FBXL7: variants seen among roughly 807,000 people sequenced by gnomAD.
FBXL7 encodes the protein F-box and leucine rich repeat protein 7, also known as F-box/LRR-repeat protein 7.
A neutral mutation model predicts 38.3 loss-of-function variants in FBXL7; 12 were observed. That is an observed-to-expected ratio of 0.31 (90% CI 0.20 to 0.51). The LOEUF (loss-of-function observed/expected upper bound fraction) is 0.51, where lower values mean the gene tolerates loss of function less well. Ranked by LOEUF, FBXL7 falls within the 20% of genes least tolerant of loss-of-function variation. The pLI, the probability that FBXL7 is intolerant of heterozygous loss-of-function variation, is 0.98. For missense variants in FBXL7, 567 were observed against 676.4 expected, an observed-to-expected ratio of 0.84 and a Z score of 1.79; for synonymous variants, 297 against 300.9, an observed-to-expected ratio of 0.99 and a Z score of 0.13.
At chr5:15,935,092 G>C (rs931061733) in intron 3 of FBXL7, 2 of 521,100 alleles carry the variant, frequency 3.8e-6, no homozygotes, top group South Asian at 2.8e-5. Context: ...GTGCTCAGAG[G>C]CTGGAGAGCA....
intron 2 of FBXL7, among the ~76,000 whole-genome samples, chr5:15,687,999 C>T (rs1242264602): frequency 6.6e-6 from 1 of 152,184 alleles, no homozygotes; most frequent in Non-Finnish European, 1.5e-5. Context: ...CCTGCATTTG[C>T]AGCTTCTACC....
rs1047112972 is a variant in FBXL7 at position 15,717,938 on chromosome 5, T to C, written c.127+101866T>C. 7.1e-5 allele frequency among the ~76,000 whole-genome samples: 6 copies of C among 84,268 alleles called. 1 individual carries two copies. Among genetic ancestry groups the C allele is most frequent in the African/African-American group, 2.1e-4 (6 of 28,458 alleles). 55.3% of individuals were successfully genotyped at this position (84,268 alleles called of 152,430 possible). ...AATTTTTCAGTCAGTAGGTAATATT[T>C]AAACATGGACTCTATCTATGTTAAT... On this transcript the variant is annotated intron_variant, in intron 2 of 3. Transcript: ENST00000504595.
intron 2 of FBXL7, among the ~76,000 whole-genome samples, chr5:15,923,127 T>G (rs1741786774): frequency 2.0e-5 from 3 of 152,228 alleles, no homozygotes; most frequent in Admixed American, 2.0e-4. Flanking sequence ...TATTTGTCTC[T>G]GATGTTCTCC....
intron 1 of FBXL7, among the ~76,000 whole-genome samples, chr5:15,563,231 ATAGT>A (rs1323480381): frequency 1.3e-5 from 2 of 152,156 alleles, no homozygotes; most frequent in Non-Finnish European, 2.9e-5. Flanking sequence ...AGTACTTAGT[ATAGT>A]GCTTGGCACC....
At chr5:15,887,743 T>G (rs1740736263) in intron 2 of FBXL7, among the ~76,000 whole-genome samples, 1 of 152,230 alleles carries the variant, frequency 6.6e-6, no homozygotes, top group Non-Finnish European at 1.5e-5. Flanking sequence ...TACAGCCCTT[T>G]TATGGAAACT....
intron 2 of FBXL7, among the ~76,000 whole-genome samples, chr5:15,897,988 A>G (rs1473595657): frequency 6.6e-6 from 1 of 152,270 alleles, no homozygotes; most frequent in African/African-American, 2.4e-5. Context: ...TTGCAAAGCC[A>G]GCATGCAAAT....
chr5:15,741,301 G>C (rs1421790119), intron 2 of FBXL7, among the ~76,000 whole-genome samples: 1 of 152,098 alleles, frequency 6.6e-6, no homozygotes, highest in African/African-American at 2.4e-5. Flanking sequence ...TCTAATTTTA[G>C]TAACAGTTTT....
intron 2 of FBXL7, among the ~76,000 whole-genome samples, chr5:15,825,883 A>C (rs565892364): frequency 6.6e-6 from 1 of 152,326 alleles, no homozygotes; most frequent in Admixed American, 6.5e-5. Flanking sequence ...GAGAAACTCA[A>C]CGGTTTGATT....
intron 2 of FBXL7, among the ~76,000 whole-genome samples, chr5:15,683,426 C>A (rs775279998): frequency 9.9e-5 from 15 of 152,152 alleles, no homozygotes; most frequent in Non-Finnish European, 1.9e-4. Context: ...CTCCGTCACC[C>A]CCAGGCGGAG....
intron 1 of FBXL7, among the ~76,000 whole-genome samples, chr5:15,540,141 G>T (rs1737703661): frequency 6.6e-6 from 1 of 152,150 alleles, no homozygotes; most frequent in African/African-American, 2.4e-5. Flanking sequence ...ATGAGTCAGG[G>T]TTGTGGTTAA....
chr5:15,696,077 T>G (rs1318062839), intron 2 of FBXL7, among the ~76,000 whole-genome samples: 1 of 152,202 alleles, frequency 6.6e-6, no homozygotes, highest in Non-Finnish European at 1.5e-5. Context: ...TTCTTTTCCT[T>G]TGTGTCTTTC....
intron 3 of FBXL7, among the ~76,000 whole-genome samples, chr5:15,930,806 C>T (rs927647056): frequency 6.6e-6 from 1 of 152,192 alleles, no homozygotes; most frequent in African/African-American, 2.4e-5. Context: ...TTGAAAGACT[C>T]AACAGGCCAT....
chr5:15,612,192 G>A (rs1740264956), intron 1 of FBXL7, among the ~76,000 whole-genome samples: 1 of 150,752 alleles, frequency 6.6e-6, no homozygotes, highest in South Asian at 2.1e-4. Flanking sequence ...TATATCTGTA[G>A]TGTTGCGATT....
chr5:15,529,247 A>T (rs1390494262), intron 1 of FBXL7, among the ~76,000 whole-genome samples: 1 of 152,178 alleles, frequency 6.6e-6, no homozygotes, highest in African/African-American at 2.4e-5. Flanking sequence ...GAATGACAGG[A>T]TTGCATTCTT....
intron 2 of FBXL7, among the ~76,000 whole-genome samples, chr5:15,766,825 C>T (rs1327750964): frequency 6.6e-6 from 1 of 152,148 alleles, no homozygotes; most frequent in Non-Finnish European, 1.5e-5. Context: ...TCATTAGACT[C>T]TAATAAAGAA....
chr5:15,659,712 T>G (rs1313161247), intron 2 of FBXL7, among the ~76,000 whole-genome samples: 1 of 152,236 alleles, frequency 6.6e-6, no homozygotes, highest in African/African-American at 2.4e-5. Flanking sequence ...GGTTGAATTC[T>G]AAAGCACTGT....
chr5:15,811,389 T>C (rs1225643522), intron 2 of FBXL7, among the ~76,000 whole-genome samples: 2 of 152,202 alleles, frequency 1.3e-5, no homozygotes, highest in Admixed American at 6.6e-5. Flanking sequence ...AATGGTCCTC[T>C]TCTCCCAGTA....
rs1737713824 is a variant in FBXL7 at position 15,540,662 on chromosome 5, A to G, written c.37+39949A>G. ...CATTTATTCTTTAAAAAGAGCAGAC[A>G]TTTATTTCTCACAGTTCTGGAGGCT... is the stretch of plus-strand genomic sequence containing the variant. On this transcript the variant is annotated intron_variant, in intron 1 of 3. Transcript: ENST00000504595. 3.3e-5 allele frequency among the ~76,000 whole-genome samples: 5 copies of G among 152,196 alleles called. No homozygotes were observed. The South Asian group carries it at 1.0e-3, about 31-fold the overall frequency.
intron 2 of FBXL7, among the ~76,000 whole-genome samples, chr5:15,857,908 G>C (rs566507521): frequency 6.6e-6 from 1 of 152,232 alleles, no homozygotes; most frequent in South Asian, 2.1e-4. Flanking sequence ...TATAATTATT[G>C]AATGTGTATG....
Sources: gnomAD v4.1 joint callset for allele counts (sites outside exome capture counted in the v4.1 genomes callset) on GRCh38, gnomAD v4.1.1 for gene constraint, MANE v1.5 for transcripts, NCBI Gene and HGNC (gene_info 2026-07-23, HGNC 2026-07-21) for gene names.